The following CELF2 variants were observed in gnomAD, a reference collection of about 807,000 sequenced individuals.
The protein encoded by CELF2 is CUGBP Elav-like family member 2, also known as CUG triplet repeat RNA-binding protein 2.
CELF2 carries 8 observed loss-of-function variants against 62.6 expected under a neutral mutation model. The observed-to-expected ratio is 0.13, with a 90% CI of 0.07 to 0.23. The LOEUF (loss-of-function observed/expected upper bound fraction) is 0.23. CELF2 is among the 10% of genes least tolerant of loss of function. The pLI is 1.00. For missense variants in CELF2, 333 were observed against 671.0 expected (o/e 0.50, Z 5.56); for synonymous variants, 258 against 250.0 (o/e 1.03, Z -0.30).
intron 1 of CELF2, among the ~76,000 whole-genome samples, chr10:11,153,171 C>T (rs1395073096): frequency 6.6e-6 from 1 of 152,174 alleles, no homozygotes; most frequent in African/African-American, 2.4e-5. Context: ...TTCAGGTTGA[C>T]CCACCACATT....
At chr10:10,587,038 C>A in the CELF2 span, among the ~76,000 whole-genome samples, 1 of 152,092 alleles carries the variant, frequency 6.6e-6, no homozygotes, top group Non-Finnish European at 1.5e-5. Context: ...ATGAGCAGAA[C>A]CAGAGGTGCC....
chr10:11,085,212 T>A (rs1344067174), intron 1 of CELF2, among the ~76,000 whole-genome samples: 1 of 152,220 alleles, frequency 6.6e-6, no homozygotes, highest in Non-Finnish European at 1.5e-5. Flanking sequence ...GTTGAAGACA[T>A]TGGAAATCAT....
At chr10:10,699,219 A>G in the CELF2 span, among the ~76,000 whole-genome samples, 2 of 152,202 alleles carry the variant, frequency 1.3e-5, no homozygotes, top group Non-Finnish European at 2.9e-5. Flanking sequence ...ACACATACAT[A>G]TCAAATTTAT....
At chr10:10,584,447 C>T in the CELF2 span, among the ~76,000 whole-genome samples, 2 of 152,160 alleles carry the variant, frequency 1.3e-5, no homozygotes. Context: ...GAAGTGTGGC[C>T]GCTGGCATTG....
chr10:10,745,378 C>A, the CELF2 span, among the ~76,000 whole-genome samples: 4 of 152,146 alleles, frequency 2.6e-5, no homozygotes, highest in Non-Finnish European at 5.9e-5. Context: ...ATTTTCTAGT[C>A]CATGTGAATT....
intron 1 of CELF2, among the ~76,000 whole-genome samples, chr10:11,161,223 C>T (rs189183566): frequency 1.3e-5 from 2 of 152,344 alleles, no homozygotes; most frequent in Non-Finnish European, 2.9e-5. Context: ...AATACTATTG[C>T]CCACTGGCGT....
chr10:10,626,205 T>C, the CELF2 span, among the ~76,000 whole-genome samples: 2 of 152,276 alleles, frequency 1.3e-5, no homozygotes, highest in Admixed American at 6.5e-5. Flanking sequence ...TACTGATTTT[T>C]AGTACATGGC....
chr10:10,534,259 GA>G, the CELF2 span, among the ~76,000 whole-genome samples: 1 of 150,792 alleles, frequency 6.6e-6, no homozygotes, highest in African/African-American at 2.4e-5. Flanking sequence ...ACAGAGAAAG[GA>G]AAAAGCAGGC....
chr10:10,521,253 TCAA>T, the CELF2 span, among the ~76,000 whole-genome samples: 4 of 152,202 alleles, frequency 2.6e-5, no homozygotes, highest in Non-Finnish European at 5.9e-5. Flanking sequence ...TTACCGCAGA[TCAA>T]CAAGGGTATG....
At chr10:10,481,901 C>T in the CELF2 span, among the ~76,000 whole-genome samples, 2 of 152,254 alleles carry the variant, frequency 1.3e-5, no homozygotes, top group South Asian at 4.1e-4. Flanking sequence ...AGAATCAGGT[C>T]TCATTGCATA....
At chr10:11,106,752 A>G (rs1279762560) in intron 1 of CELF2, among the ~76,000 whole-genome samples, 1 of 152,268 alleles carries the variant, frequency 6.6e-6, no homozygotes, top group Non-Finnish European at 1.5e-5. Context: ...TCTTTACGGA[A>G]GGAGCTAACA....
At chr10:10,474,598 G>T in the CELF2 span, among the ~76,000 whole-genome samples, 1 of 152,132 alleles carries the variant, frequency 6.6e-6, no homozygotes, top group South Asian at 2.1e-4. Context: ...TAATTTTTGT[G>T]TGACAACCAT....
chr10:11,035,283 C>T (rs1028418262), intron 1 of CELF2, among the ~76,000 whole-genome samples: 1 of 152,166 alleles, frequency 6.6e-6, no homozygotes, highest in Non-Finnish European at 1.5e-5. Context: ...AAATTTAATA[C>T]AAGTTTATTT....
the CELF2 span, among the ~76,000 whole-genome samples, chr10:10,699,466 T>C: frequency 6.6e-6 from 1 of 152,236 alleles, no homozygotes; most frequent in Non-Finnish European, 1.5e-5. Flanking sequence ...AGCAAATTAT[T>C]GCAAATTGTC....
intron 2 of CELF2, among the ~76,000 whole-genome samples, chr10:10,921,185 C>T (rs2064868593): frequency 6.6e-6 from 1 of 152,084 alleles, no homozygotes; most frequent in African/African-American, 2.4e-5. Context: ...AAATTCCTGA[C>T]CTCAGGTGAT....
intron 2 of CELF2, among the ~76,000 whole-genome samples, chr10:10,968,605 T>C (rs1225607042): frequency 6.6e-6 from 1 of 152,180 alleles, no homozygotes; most frequent in Non-Finnish European, 1.5e-5. Context: ...ATATAAAGAT[T>C]CCAGTAAGGA....
At chr10:10,602,555 T>A in the CELF2 span, among the ~76,000 whole-genome samples, 1 of 152,160 alleles carries the variant, frequency 6.6e-6, no homozygotes. Flanking sequence ...TCATTTTCAT[T>A]TCACGGATAC....
intron 1 of CELF2, among the ~76,000 whole-genome samples, chr10:11,137,751 T>C (rs1350212634): frequency 6.6e-6 from 1 of 152,252 alleles, no homozygotes; most frequent in Non-Finnish European, 1.5e-5. Flanking sequence ...CAGAGTAACT[T>C]ACTGTCCTTT....
At chr10:11,171,185 C>T (rs1235249017) in intron 2 of CELF2, 3 of 152,198 alleles carry the variant, frequency 2.0e-5, no homozygotes, top group South Asian at 2.1e-4. Flanking sequence ...GCAACTGCAT[C>T]GCAACAGTAC....
Sources: allele counts gnomAD v4.1 joint callset (sites outside exome capture counted in the v4.1 genomes callset), GRCh38; gene constraint gnomAD v4.1.1; transcripts MANE v1.5; gene names NCBI Gene and HGNC (gene_info 2026-07-23, HGNC 2026-07-21).